Variants in RAD50 observed in about 807,000 individuals in gnomAD.
The protein encoded by RAD50 is DNA repair protein RAD50.
RAD50 carries 132 observed loss-of-function variants against 168.8 expected under a neutral mutation model. The observed-to-expected ratio is 0.78, with a 90% CI of 0.68 to 0.90. RAD50 has a LOEUF of 0.90. RAD50 is among the 40% of genes least tolerant of loss of function. The pLI is 0.00. For missense variants in RAD50, 1,347 were observed against 1,534.4 expected (o/e 0.88, Z 2.04); for synonymous variants, 525 against 497.4 (o/e 1.06, Z -0.74).
At chr5:132,594,005 G>A (rs1174704505) in intron 11 of RAD50, among the ~76,000 whole-genome samples, 2 of 152,198 alleles carry the variant, frequency 1.3e-5, no homozygotes, top group African/African-American at 4.8e-5. Context: ...GATGAAGACT[G>A]TACTTGGCAC....
At chr5:132,577,618 C>G (rs931474035) in intron 3 of RAD50, among the ~76,000 whole-genome samples, 13 of 152,084 alleles carry the variant, frequency 8.5e-5, no homozygotes, top group African/African-American at 3.1e-4. Context: ...GGTTGGAAGT[C>G]TCATTAGGCT....
At position 132,620,853 on chromosome 5, in the gene RAD50, T is replaced by G. The variant is rs550663138; in HGVS notation, c.3389+2559T>G. ...TATGCAGTATTCTTTCACAATAAAG[T>G]AAACTGGAGACAAGAAAAAATTATA... On this transcript the variant is annotated intron_variant, in intron 21 of 24. Transcript: ENST00000378823. Among the ~76,000 whole-genome samples the G allele has an allele frequency of 1.6e-3, 243 of 152,256 alleles. 1 individual carries two copies. The highest frequency in any genetic ancestry group is 2.9e-3 in the Non-Finnish European group (198 of 68,022).
chr5:132,646,041 C>T lies in RAD50; in HGVS notation c.*3677C>T, dbSNP rs926572696. ...GGCTGCAGTGAGCTGTGATTTGTGC[C>T]ACTGCACCCCAGCCTGGGTGGGTGG... On this transcript the variant is annotated 3_prime_UTR_variant, in exon 25 of 25. Coordinates refer to ENST00000378823, the MANE Select transcript of RAD50 (RefSeq NM_005732.4). The T allele has an allele frequency of 1.4e-5, 2 of 147,024 alleles. No individual in the cohort carries two copies. The highest frequency in any genetic ancestry group is 1.5e-5 in the Non-Finnish European group (1 of 67,518). The allele number at this position is 147,024 out of a possible 1,614,324, so 9.1% of individuals were successfully genotyped here.
At chr5:132,598,135 C>T (rs1750822580) in intron 13 of RAD50, among the ~76,000 whole-genome samples, 1 of 151,818 alleles carries the variant, frequency 6.6e-6, no homozygotes, top group Non-Finnish European at 1.5e-5. Flanking sequence ...GCAATCTCCA[C>T]CTCCCCGGTT....
At chr5:132,616,185 G>A in intron 20 of RAD50, 55 bp downstream of exon 20, 1 of 1,554,308 alleles carries the variant, frequency 6.4e-7, no homozygotes, top group Non-Finnish European at 8.8e-7. Flanking sequence ...ACTGGAATGT[G>A]AAGAATATTA....
chr5:132,569,549 A>G (rs990422959), intron 2 of RAD50, among the ~76,000 whole-genome samples: 9 of 149,524 alleles, frequency 6.0e-5, no homozygotes, highest in South Asian at 2.1e-4. Flanking sequence ...GGAGATCTCA[A>G]TACCCCTCTC....
intron 21 of RAD50, among the ~76,000 whole-genome samples, chr5:132,632,717 C>T (rs1323254678): frequency 1.3e-5 from 2 of 152,188 alleles, no homozygotes; most frequent in Non-Finnish European, 2.9e-5. Flanking sequence ...GAGTTACTGG[C>T]TCAGATGTTA....
At chr5:132,605,737 ACT>A (rs984497353) in intron 16 of RAD50, among the ~76,000 whole-genome samples, 2 of 152,124 alleles carry the variant, frequency 1.3e-5, no homozygotes, top group Admixed American at 6.6e-5. Context: ...GAAGTAAAAC[ACT>A]CTCAGCAAAT....
chr5:132,558,217 A>C (rs1297803474), intron 1 of RAD50, among the ~76,000 whole-genome samples: 2 of 152,180 alleles, frequency 1.3e-5, no homozygotes, highest in Non-Finnish European at 2.9e-5. Flanking sequence ...GTTTTTGTAA[A>C]AATGTTATTT....
intron 21 of RAD50, among the ~76,000 whole-genome samples, chr5:132,621,026 A>G (rs1235006770): frequency 1.3e-5 from 2 of 152,170 alleles, no homozygotes; most frequent in African/African-American, 4.8e-5. Context: ...CTACATAAAC[A>G]TAGACCCACA....
chr5:132,582,602 T>C (rs755350412), intron 5 of RAD50, among the ~76,000 whole-genome samples: 1 of 152,196 alleles, frequency 6.6e-6, no homozygotes, highest in Non-Finnish European at 1.5e-5. Flanking sequence ...TCCCACCATA[T>C]CCTGTCCTCT....
chr5:132,596,151 G>A (rs1285521821), intron 13 of RAD50, among the ~76,000 whole-genome samples: 2 of 151,826 alleles, frequency 1.3e-5, no homozygotes, highest in African/African-American at 2.4e-5. Context: ...GTACCACCAC[G>A]CCCAGCTAAT....
chr5:132,609,548 G>C, intron 19 of RAD50, 152 bp downstream of exon 19: 1 of 1,253,658 alleles, frequency 8.0e-7, no homozygotes, highest in Non-Finnish European at 1.1e-6. Flanking sequence ...TTGGAAGGCC[G>C]AGGCGGGTGG....
intron 2 of RAD50, among the ~76,000 whole-genome samples, chr5:132,563,930 G>A (rs1750163509): frequency 6.6e-6 from 1 of 152,118 alleles, no homozygotes; most frequent in African/African-American, 2.4e-5. Flanking sequence ...TCCTGTTCTG[G>A]CCGTGTAAGA....
At position 132,564,942 on chromosome 5, in the gene RAD50, C is replaced by T. The variant is rs1385529829; in HGVS notation, c.213+5575C>T. ...ACAAGAGTTGAGGCTTGGGAGCCTC[C>T]ACCTAGATTTCAGGGGATGTATGGA... On this transcript the variant is annotated intron_variant, in intron 2 of 24. Coordinates refer to ENST00000378823, the MANE Select transcript of RAD50 (RefSeq NM_005732.4). 5.3e-5 allele frequency among the ~76,000 whole-genome samples: 8 copies of T among 152,180 alleles called. 1 individual carries two copies. Among genetic ancestry groups the T allele is most frequent in the Admixed American group, 4.6e-4 (7 of 15,264 alleles).
At position 132,609,360 on chromosome 5, in the gene RAD50, T is replaced by C. The variant is rs1554099393; in HGVS notation, c.3000T>C (p.Asp1000=). Residue 1000 remains aspartate (D), a synonymous_variant, in exon 19 of 25, where the codon GAT becomes GAC. Transcript: ENST00000378823. The part of the protein sequence containing the change: ...CEKHKEKINE[D]MRLMRQDIDT... The stretch of plus-strand genomic sequence containing the variant: ...AACACAAAGAAAAGATAAATGAAGA[T>C]ATGAGACTCATGAGACAAGATATTG... 1.2e-6 allele frequency: 2 copies of C among 1,613,870 alleles called. No homozygotes were observed. The highest frequency in any genetic ancestry group is 1.6e-4 in the Middle Eastern group (1 of 6,062).
At chr5:132,622,199 C>T (rs112935255) in intron 21 of RAD50, among the ~76,000 whole-genome samples, 2,310 of 151,530 alleles carry the variant, frequency 0.015, 66 homozygotes, top group African/African-American at 0.052. Context: ...CTGGCTCTGT[C>T]GCCCAGGCTA....
chr5:132,623,168 G>A (rs1751312534), intron 21 of RAD50, among the ~76,000 whole-genome samples: 1 of 151,964 alleles, frequency 6.6e-6, no homozygotes, highest in Non-Finnish European at 1.5e-5. Flanking sequence ...CCAATCCCTA[G>A]GTTATAAAAA....
At chr5:132,589,885 T>C in intron 9 of RAD50, 48 bp downstream of exon 9, 1 of 1,495,630 alleles carries the variant, frequency 6.7e-7, no homozygotes, top group Non-Finnish European at 9.2e-7. Flanking sequence ...ATAATACTTT[T>C]AGAAGTATTT....
Sources: gnomAD v4.1 joint callset for allele counts (sites outside exome capture counted in the v4.1 genomes callset) on GRCh38, gnomAD v4.1.1 for gene constraint, MANE v1.5 for transcripts, NCBI Gene and HGNC (gene_info 2026-07-23, HGNC 2026-07-21) for gene names.